The following GPR143 variants were observed in gnomAD, a reference collection of about 807,000 sequenced individuals.
GPR143 encodes the protein G-protein coupled receptor 143.
GPR143 carries 8 observed loss-of-function variants against 27.6 expected under a neutral mutation model. The ratio of observed to expected loss-of-function variants is 0.29; its 90% confidence interval spans 0.17 to 0.52. The LOEUF is 0.52. Among genes scored for constraint, GPR143 ranks in the 20% least tolerant of loss-of-function variants. GPR143 has a pLI of 0.96. For missense variants in GPR143, 303 were observed against 343.1 expected (o/e 0.88, Z 0.92); for synonymous variants, 156 against 153.2 (o/e 1.02, Z -0.13).
chrX:9,741,004 G>C, intron 7 of GPR143: 1 of 287,505 alleles, frequency 3.5e-6, no homozygotes, highest in South Asian at 2.1e-4. Context: ...CTAAGGCCAG[G>C]AGCCTATTTT....
chrX:9,760,792 G>C lies in GPR143; in HGVS notation c.285C>G (p.Phe95Leu). 1 of 1,179,255 alleles carries C rather than the reference G, an allele frequency of 8.5e-7. No individual in the cohort carries two copies. The highest frequency in any genetic ancestry group is 3.0e-5 in the East Asian group (1 of 33,626). The change falls in exon 2 of 9, where the codon TTC becomes TTG. Residue 95 changes from phenylalanine (F) to leucine (L), a missense_variant. Coordinates refer to ENST00000467482, the MANE Select transcript of GPR143 (RefSeq NM_000273.3). ...CCGAGACGCTGTCAACAAAATTTGG[G>C]AATCCTAACCACACGGTGGACCGGA... ...MVIRSTVWLG[F>L]PNFVDSVSDM...
intron 1 of GPR143, among the ~76,000 whole-genome samples, chrX:9,762,222 T>G (rs756769154): frequency 4.0e-4 from 44 of 110,575 alleles, no homozygotes; most frequent in Middle Eastern, 4.6e-3. Flanking sequence ...AAACCACATC[T>G]CTACTAAAAA....
chrX:9,743,043 G>T (rs780517313), intron 6 of GPR143, among the ~76,000 whole-genome samples: 2 of 110,075 alleles, frequency 1.8e-5, no homozygotes, highest in Non-Finnish European at 3.8e-5. Context: ...AGAGGCGGAG[G>T]TTGCAGCGAG....
At position 9,759,429 on chromosome X, in the gene GPR143, G is replaced by A; in HGVS notation, c.361-3C>T. ...CTGTACAACAGCTGGATCCACATCT[G>A]CAATCGGGAAGAGCCTGCATCAAAA... On this transcript the variant is annotated splice_region_variant and splice_polypyrimidine_tract_variant and intron_variant, in intron 2 of 8. Coordinates refer to ENST00000467482, the MANE Select transcript of GPR143 (RefSeq NM_000273.3). 2 of 1,158,240 alleles carry A rather than the reference G, an allele frequency of 1.7e-6. No homozygotes were observed. The highest frequency in any genetic ancestry group is 1.2e-6 in the Non-Finnish European group (1 of 852,331).
At chrX:9,751,415 GC>G (rs1452060091) in intron 3 of GPR143, among the ~76,000 whole-genome samples, 3 of 112,534 alleles carry the variant, frequency 2.7e-5, no homozygotes, top group Non-Finnish European at 5.6e-5. Context: ...CCCTTCCGGT[GC>G]ACATTCTCTA....
At chrX:9,743,823 C>T (rs2083415876) in intron 5 of GPR143, 150 bp from the exon 6 acceptor site, 1 of 505,308 alleles carries the variant, frequency 2.0e-6, no homozygotes, top group African/African-American at 2.3e-5. Context: ...TCACAACTTC[C>T]AGGTTGGAGT....
upstream of GPR143, among the ~76,000 whole-genome samples, chrX:9,768,518 G>A (rs941356798): frequency 2.7e-5 from 3 of 111,429 alleles, no homozygotes; most frequent in Non-Finnish European, 3.8e-5. Flanking sequence ...AGAGGAAGAC[G>A]ACACATCTCA....
intron 1 of GPR143, among the ~76,000 whole-genome samples, chrX:9,761,824 C>T (rs761987468): frequency 4.4e-5 from 5 of 112,811 alleles, no homozygotes; most frequent in Admixed American, 3.8e-4. Flanking sequence ...AGGGTCTGAG[C>T]GCGGTGCTCA....
chrX:9,756,749 T>C (rs1387046877), intron 3 of GPR143, among the ~76,000 whole-genome samples: 1 of 112,572 alleles, frequency 8.9e-6, no homozygotes, highest in Non-Finnish European at 1.9e-5. Flanking sequence ...GACAAGGATG[T>C]GGATAAACTG....
chrX:9,748,396 C>A (rs2083437528), intron 4 of GPR143, among the ~76,000 whole-genome samples, 178 bp downstream of exon 4: 1 of 112,940 alleles, frequency 8.9e-6, no homozygotes, highest in Non-Finnish European at 1.9e-5. Flanking sequence ...GGTCATTCTC[C>A]AAGCTATTGT....
chrX:9,737,804 T>C (rs1275263646), intron 8 of GPR143, among the ~76,000 whole-genome samples: 2 of 111,843 alleles, frequency 1.8e-5, no homozygotes, highest in Admixed American at 9.5e-5. Context: ...GAGACTAGCC[T>C]GGGCAACATA....
At chrX:9,732,223 G>T (rs1037472515) in intron 8 of GPR143, among the ~76,000 whole-genome samples, 2 of 111,560 alleles carry the variant, frequency 1.8e-5, no homozygotes, top group African/African-American at 6.5e-5. Flanking sequence ...TTGTAGGAAT[G>T]ACCAAAATTG....
chrX:9,745,622 T>G (rs779422168), intron 5 of GPR143, among the ~76,000 whole-genome samples: 1 of 112,224 alleles, frequency 8.9e-6, no homozygotes, highest in South Asian at 3.7e-4. Context: ...CACTTCCTGT[T>G]TCCTGCCCAT....
chrX:9,761,064 CAT>C (rs1186060582), intron 1 of GPR143, among the ~76,000 whole-genome samples: 1 of 110,997 alleles, frequency 9.0e-6, no homozygotes, highest in Non-Finnish European at 1.9e-5. Context: ...GATTGAAACT[CAT>C]AAAATAACTT....
In GPR143 at chrX:9,748,594, G is replaced by A; in HGVS notation, c.528C>T (p.Leu176=). Residue 176 remains leucine (L), a synonymous_variant, in exon 4 of 9, where the codon CTC becomes CTT. Coordinates refer to ENST00000467482, the MANE Select transcript of GPR143 (RefSeq NM_000273.3). ...TLLCVEGAAM[L]YYPSVSRCER... is the part of the protein sequence containing the mutation. ...CTTACCTGGACACGGAAGGGTAGTA[G>A]AGCATGGCGGCTCCCTCCACACAGA... The A allele has an allele frequency of 8.3e-7, 1 of 1,203,707 alleles. No individual in the cohort carries two copies. The highest frequency in any genetic ancestry group is 1.1e-6 in the Non-Finnish European group (1 of 887,932).
At chrX:9,754,947 CAG>C (rs1463666352) in intron 3 of GPR143, among the ~76,000 whole-genome samples, 1 of 112,017 alleles carries the variant, frequency 8.9e-6, no homozygotes, top group Non-Finnish European at 1.9e-5. Context: ...GAGGGATGCT[CAG>C]AGACATGCCA....
upstream of GPR143, chrX:9,765,940 C>A: frequency 1.4e-6 from 1 of 714,376 alleles, no homozygotes; most frequent in East Asian, 4.5e-5. Flanking sequence ...CAACCCCCAG[C>A]GCCTGCAGTA....
At position 9,760,455 on chromosome X, in the gene GPR143, C is replaced by G. The variant is rs1013705923; in HGVS notation, c.360+262G>C. Among the ~76,000 whole-genome samples, 3 of 111,754 alleles carry G rather than the reference C, an allele frequency of 2.7e-5. No homozygotes were observed. The East Asian group carries it at 8.4e-4, about 31-fold the overall frequency. On this transcript the variant is annotated intron_variant, in intron 2 of 8. Transcript: ENST00000467482. The stretch of plus-strand genomic sequence containing the variant: ...CAAAATGCATCCAATGGATTGATAA[C>G]TTTTTCTGTGCCAGCTGGTTTTGCT...
intron 1 of GPR143, 68 bp downstream of exon 1, chrX:9,765,500 C>T: frequency 4.0e-6 from 4 of 1,012,422 alleles, no homozygotes; most frequent in Non-Finnish European, 5.1e-6. Context: ...CGGGTCTCAA[C>T]CTGCGGGCCA....
Sources: gnomAD v4.1 joint callset for allele counts (sites outside exome capture counted in the v4.1 genomes callset) on GRCh38, gnomAD v4.1.1 for gene constraint, MANE v1.5 for transcripts, NCBI Gene and HGNC (gene_info 2026-07-23, HGNC 2026-07-21) for gene names.